The following NDUFV1 variants were observed in gnomAD, a reference collection of about 807,000 sequenced individuals.
NDUFV1 encodes the protein NADH dehydrogenase [ubiquinone] flavoprotein 1, mitochondrial.
NDUFV1 carries 41 observed loss-of-function variants against 48.7 expected under a neutral mutation model. That is an observed-to-expected ratio of 0.84 (90% CI 0.66 to 1.09). NDUFV1 has a LOEUF of 1.09. Among genes scored for constraint, NDUFV1 ranks in the 50% least tolerant of loss-of-function variants. The pLI is 0.00. For missense variants in NDUFV1, 580 were observed against 645.4 expected (o/e 0.90, Z 1.10); for synonymous variants, 231 against 259.1 (o/e 0.89, Z 1.04).
In NDUFV1 at chr11:67,611,774, A is replaced by C; in HGVS notation, c.1081-123A>C. The C allele has an allele frequency of 9.8e-6, 14 of 1,425,758 alleles. No individual in the cohort carries two copies. The Middle Eastern group carries it at 1.2e-3, about 123-fold the overall frequency. The allele number at this position is 1,425,758 out of a possible 1,614,324, so 88.3% of individuals were successfully genotyped here. ...ACAGGGGGCCCAGGGAGGCTGGAGG[A>C]GGCCAGAACGCTGGGTGGGCTGGGA... On this transcript the variant is annotated intron_variant, in intron 7 of 9. Transcript: ENST00000322776. This position sits in a 1 kb window ranked among gnomAD's most constrained non-coding sequence, Gnocchi z 4.2.
chr11:67,607,721 G>A (rs900915205), intron 1 of NDUFV1: 5 of 344,066 alleles, frequency 1.5e-5, no homozygotes, highest in Admixed American at 8.2e-5. Context: ...GCTGTGTGGT[G>A]CCGTGATGCA....
Position 67,611,100 on chromosome 11 carries a change from G to T in NDUFV1, c.806G>T (p.Arg269Leu), listed in dbSNP as rs759163866. ...TGGTTTGCTGGCTTTGGCAGAGAAC[G>T]CAACTCAGGCACCAAACTATTCAAC... ...GTWFAGFGRERNSGTKLFNIS... is the reference protein window; with the variant it reads ...GTWFAGFGRELNSGTKLFNIS... The change falls in exon 6 of 10, where the codon CGC (arginine) becomes CTC (leucine). Residue 269 changes from arginine (R) to leucine (L), a missense_variant. Physicochemically the swap from Arg to Leu is moderately radical, Grantham distance 102 (BLOSUM62 -2). Coordinates refer to ENST00000322776, the MANE Select transcript of NDUFV1 (RefSeq NM_007103.4). This position sits in a 1 kb window ranked among gnomAD's most constrained non-coding sequence, Gnocchi z 4.2. The T allele has an allele frequency of 6.2e-7, 1 of 1,614,240 alleles. No individual in the cohort carries two copies. The highest frequency in any genetic ancestry group is 8.5e-7 in the Non-Finnish European group (1 of 1,180,036).
In NDUFV1 at chr11:67,607,085, C is replaced by A; in HGVS notation, c.72+9C>A. 6.2e-7 allele frequency: 1 copy of A among 1,603,468 alleles called. No individual in the cohort carries two copies. ...GTTTCAGCGGCGACACGGTGAGGCCCAGCCTGGCTGGGGCCACGGGTGTTT... is the reference window on the plus strand; with the variant it reads ...GTTTCAGCGGCGACACGGTGAGGCCAAGCCTGGCTGGGGCCACGGGTGTTT... On this transcript the variant is annotated intron_variant, in intron 1 of 9. Transcript: ENST00000322776.
chr11:67,611,871 CCTG>C lies in NDUFV1; in HGVS notation c.1081-23_1081-21del. 6.2e-7 allele frequency: 1 copy of C among 1,612,882 alleles called. No homozygotes were observed. Among genetic ancestry groups the C allele is most frequent in the Non-Finnish European group, 8.5e-7 (1 of 1,178,984 alleles). On this transcript the variant is annotated intron_variant, in intron 7 of 9. Transcript: ENST00000322776. This position sits in a 1 kb window ranked among gnomAD's most constrained non-coding sequence, Gnocchi z 4.2. ...CCAGGCTTCTGTCTGGCCGTGGGTG[CCTG>C]CTAATTGCCCCTCGTCACCCAGACG...
In NDUFV1 at chr11:67,612,171, G is replaced by T. The variant is rs374003063; in HGVS notation, c.1214G>T (p.Arg405Leu). The T allele has an allele frequency of 6.8e-6, 11 of 1,613,486 alleles. No individual in the cohort carries two copies. The African/African-American group carries it at 1.5e-4, about 22-fold the overall frequency. Reference sequence around the variant, plus strand: ...GCACGTTTCGTGAGGGGGGATGCCCGGCCGGCCGAGATCGACTCCCTGTGG... The same window carrying T: ...GCACGTTTCGTGAGGGGGGATGCCCTGCCGGCCGAGATCGACTCCCTGTGG... ...VMARFVRGDARPAEIDSLWEI... is the reference protein window; with the variant it reads ...VMARFVRGDALPAEIDSLWEI... The change falls in exon 9 of 10, where the codon CGG becomes CTG. Residue 405 changes from arginine (R) to leucine (L), a missense_variant. Arg to Leu is a moderately radical substitution (Grantham distance 102, BLOSUM62 -2). Transcript: ENST00000322776. This position sits in a 1 kb window ranked among gnomAD's most constrained non-coding sequence, Gnocchi z 4.4.
rs190726589 is a variant in NDUFV1 at position 67,610,766 on chromosome 11, A to C, written c.700+196A>C. ...CTCCTGCCTCGGTCCCCTCCGCACC[A>C]GTGCTGCTCTGTGGCTCCACCTTCA... On this transcript the variant is annotated intron_variant, in intron 5 of 9. Coordinates refer to ENST00000322776, the MANE Select transcript of NDUFV1 (RefSeq NM_007103.4). 1.7e-3 allele frequency: 1,383 copies of C among 809,418 alleles called. 34 individuals carry two copies. In the Admixed American group the frequency reaches 0.028, roughly 16 times the overall value. 50.1% of individuals were successfully genotyped at this position (809,418 alleles called of 1,614,324 possible).
intron 4 of NDUFV1, chr11:67,609,987 C>T (rs1450278015): frequency 1.1e-5 from 4 of 352,294 alleles, no homozygotes; most frequent in African/African-American, 6.3e-5. Context: ...ATGTTCATTG[C>T]TTGGAACTAT....
rs534460315 is a variant in NDUFV1 at position 67,606,954 on chromosome 11, C to A, written c.-51C>A. The stretch of plus-strand genomic sequence containing the variant: ...CGTCTCTATCGCGCCAGTTCCTCAG[C>A]CTCAGTGCTATGAAGGTGACAGCGT... On this transcript the variant is annotated 5_prime_UTR_variant, in exon 1 of 10. Transcript: ENST00000322776. 4.5e-5 allele frequency: 71 copies of A among 1,579,794 alleles called. No homozygotes were observed. The highest frequency in any genetic ancestry group is 5.9e-5 in the Non-Finnish European group (68 of 1,161,102).
At chr11:67,607,121 G>A in intron 1 of NDUFV1, 45 bp downstream of exon 1, 1 of 1,568,686 alleles carries the variant, frequency 6.4e-7, no homozygotes, top group Non-Finnish European at 8.6e-7. Context: ...GGGGCCGGGT[G>A]TCGCGGCCGC....
rs886048589 is a variant in NDUFV1, at chr11:67,610,476, G to A, written c.606G>A (p.Gly202=). ...DFDVFVVRGA[G]AYICGEETAL... is the part of the protein sequence containing the mutation. ...ACGTGTTTGTGGTGCGCGGGGCTGGGGCCTACATCTGTGGAGAGGAGACAG... is the reference window on the plus strand; with the variant it reads ...ACGTGTTTGTGGTGCGCGGGGCTGGAGCCTACATCTGTGGAGAGGAGACAG... The change falls in exon 5 of 10, where the codon GGG becomes GGA. Residue 202 remains glycine (G), a synonymous_variant. Coordinates refer to ENST00000322776, the MANE Select transcript of NDUFV1 (RefSeq NM_007103.4). 6.2e-7 allele frequency: 1 copy of A among 1,614,072 alleles called. No homozygotes were observed. Among genetic ancestry groups the A allele is most frequent in the Non-Finnish European group, 8.5e-7 (1 of 1,180,038 alleles).
intron 1 of NDUFV1, chr11:67,607,459 T>C: frequency 2.1e-6 from 1 of 484,564 alleles, no homozygotes; most frequent in South Asian, 1.5e-5. Flanking sequence ...GGCTGAAAAG[T>C]GCTCTTAAAA....
intron 1 of NDUFV1, chr11:67,607,455 A>G (rs1206830851): frequency 4.1e-6 from 2 of 487,526 alleles, no homozygotes; most frequent in South Asian, 1.5e-5. Context: ...AAGTGGCTGA[A>G]AAGTGCTCTT....
At position 67,612,292 on chromosome 11, in the gene NDUFV1, G is replaced by A. The variant is rs4148958; in HGVS notation, c.1308+27G>A. The A allele has an allele frequency of 1.5e-3, 2,476 of 1,613,916 alleles. 50 individuals carry two copies. In the East Asian group the frequency reaches 0.045, roughly 29 times the overall value. ...TATTCACCACCCTTCTGCGTAGCAC[G>A]GAGGGTGGGTGGCATCAAGGGCCCA... On this transcript the variant is annotated intron_variant, in intron 9 of 9. Coordinates refer to ENST00000322776, the MANE Select transcript of NDUFV1 (RefSeq NM_007103.4). The surrounding 1 kb of genome is among the most constrained non-coding windows in gnomAD (Gnocchi z 4.4).
At position 67,608,620 on chromosome 11, in the gene NDUFV1, G is replaced by A. The variant is rs1272909029; in HGVS notation, c.224G>A (p.Trp75Ter). 1.2e-6 allele frequency: 2 copies of A among 1,614,184 alleles called. No individual in the cohort carries two copies. The highest frequency in any genetic ancestry group is 1.7e-6 in the Non-Finnish European group (2 of 1,180,020). Residue 75 changes from tryptophan (W) to a stop codon, truncating the protein, a stop_gained, in exon 3 of 10, where the codon TGG becomes TAG. Coordinates refer to ENST00000322776, the MANE Select transcript of NDUFV1 (RefSeq NM_007103.4). LOFTEE classifies it high-confidence loss of function. ...TKEILLKGPD[W>*]ILGEIKTSGL... The stretch of plus-strand genomic sequence containing the variant: ...GAGATCCTGCTGAAGGGGCCCGACT[G>A]GATCCTGGGCGAGATCAAGACATCG...
intron 2 of NDUFV1, 32 bp downstream of exon 2, chr11:67,608,510 G>A (rs1455110752): frequency 1.2e-5 from 19 of 1,614,072 alleles, no homozygotes; most frequent in Admixed American, 3.3e-5. Flanking sequence ...GTTGGGTCCC[G>A]GAGCAAGGTG....
intron 4 of NDUFV1, 81 bp from the exon 5 acceptor site, chr11:67,610,300 C>T: frequency 1.3e-6 from 2 of 1,556,860 alleles, no homozygotes; most frequent in Non-Finnish European, 1.8e-6. Context: ...GGGAGGCCTT[C>T]AAGGGCTTCA....
chr11:67,608,348 C>T (rs1854847899), intron 1 of NDUFV1, 48 bp from the exon 2 acceptor site: 2 of 1,552,648 alleles, frequency 1.3e-6, no homozygotes, highest in East Asian at 2.2e-5. Flanking sequence ...GGCCCAATCC[C>T]TCATGGCCCC....
intron 1 of NDUFV1, chr11:67,608,079 T>C (rs1854843553): frequency 2.4e-6 from 1 of 412,902 alleles, no homozygotes. Flanking sequence ...GTGCAAAAAT[T>C]ACCCGGGCGT....
At chr11:67,610,754 C>T (rs1854899001) in intron 5 of NDUFV1, 184 bp downstream of exon 5, 8 of 872,488 alleles carry the variant, frequency 9.2e-6, no homozygotes, top group Non-Finnish European at 1.4e-5. Context: ...CTGCCTCGGT[C>T]CCCTCCGCAC....
Sources: allele counts gnomAD v4.1 joint callset, GRCh38; gene constraint gnomAD v4.1.1; non-coding constraint Gnocchi (gnomAD v3.1); transcripts MANE v1.5; gene names NCBI Gene and HGNC (gene_info 2026-07-23, HGNC 2026-07-21).